NT5DC1: variants seen among roughly 807,000 people sequenced by gnomAD.
The protein encoded by NT5DC1 is 5'-nucleotidase domain containing 1, also known as 5'-nucleotidase domain-containing protein 1.
In NT5DC1, 42 loss-of-function variants were observed where a neutral mutation model predicts 59.4. The observed-to-expected ratio is 0.71, with a 90% confidence interval of 0.55 to 0.92. NT5DC1 has a LOEUF of 0.92. Ranked by LOEUF, NT5DC1 falls within the 40% of genes least tolerant of loss-of-function variation. The pLI, the probability that NT5DC1 is intolerant of heterozygous loss-of-function variation, is 0.00. For missense variants in NT5DC1, 501 were observed against 537.1 expected (o/e 0.93, Z 0.66); for synonymous variants, 172 against 188.1 (o/e 0.91, Z 0.70).
chr6:116,143,017 G>A (rs1779803601), intron 6 of NT5DC1, among the ~76,000 whole-genome samples: 1 of 152,152 alleles, frequency 6.6e-6, no homozygotes, highest in Non-Finnish European at 1.5e-5. Flanking sequence ...GTCTTATTTG[G>A]AAGAAGACTA....
chr6:116,141,060 A>T (rs957356698), intron 6 of NT5DC1, among the ~76,000 whole-genome samples: 3 of 152,166 alleles, frequency 2.0e-5, no homozygotes, highest in Admixed American at 2.0e-4. Context: ...TGTTTTTACC[A>T]GCAGGGTATA....
intron 6 of NT5DC1, among the ~76,000 whole-genome samples, chr6:116,172,479 G>A (rs1292382798): frequency 4.0e-5 from 6 of 151,714 alleles, no homozygotes; most frequent in African/African-American, 1.2e-4. Context: ...ACGCCACCAC[G>A]CCCAGCCAAT....
At chr6:116,171,647 C>T (rs1266106152) in intron 6 of NT5DC1, among the ~76,000 whole-genome samples, 1 of 152,164 alleles carries the variant, frequency 6.6e-6, no homozygotes, top group Non-Finnish European at 1.5e-5. Context: ...GCTGAATTCT[C>T]TCTTTGGTAT....
chr6:116,136,609 A>G (rs1779610452), intron 6 of NT5DC1, among the ~76,000 whole-genome samples: 1 of 152,174 alleles, frequency 6.6e-6, no homozygotes, highest in Non-Finnish European at 1.5e-5. Flanking sequence ...TGCTGTTATT[A>G]TTTGAGTCAA....
chr6:116,173,478 C>G (rs1257753676), intron 6 of NT5DC1, among the ~76,000 whole-genome samples: 1 of 152,092 alleles, frequency 6.6e-6, no homozygotes. Context: ...GGCAGCCTGT[C>G]AGTCCCTTTA....
At chr6:116,179,835 A>G (rs895670088) in intron 6 of NT5DC1, among the ~76,000 whole-genome samples, 6 of 152,102 alleles carry the variant, frequency 3.9e-5, no homozygotes, top group Non-Finnish European at 8.8e-5. Context: ...AGGCACAAGA[A>G]TATACATAAT....
chr6:116,228,801 C>G lies in NT5DC1; in HGVS notation c.802+5670C>G, dbSNP rs534373941. ...ATTCTGATTCTGATTCGTCAGCTAC[C>G]TCTAACTGCTTTACCTCCATTTCTG... On this transcript the variant is annotated intron_variant, in intron 8 of 11. Transcript: ENST00000319550. Among the ~76,000 whole-genome samples, 12 of 152,224 alleles carry G rather than the reference C, an allele frequency of 7.9e-5. No homozygotes were observed. The East Asian group carries it at 2.1e-3, about 27-fold the overall frequency.
intron 6 of NT5DC1, chr6:116,120,754 A>G: frequency 3.1e-6 from 5 of 1,607,592 alleles, no homozygotes; most frequent in Non-Finnish European, 3.4e-6. Flanking sequence ...CTGGTGGCCC[A>G]ATAGGGCCTC....
rs1047618863 is a variant in NT5DC1, at chr6:116,121,061, G to A, written c.529+3116G>A. On this transcript the variant is annotated intron_variant, in intron 6 of 11. Transcript: ENST00000319550. The stretch of plus-strand genomic sequence containing the variant: ...AGGGCCTGGGAGACCATGGCTACCC[G>A]GGATGCCTTTTGGTCCTTGGGGTCC... 6.8e-6 allele frequency: 11 copies of A among 1,613,934 alleles called. No homozygotes were observed. The highest frequency in any genetic ancestry group is 4.5e-5 in the East Asian group (2 of 44,880).
At position 116,204,112 on chromosome 6, in the gene NT5DC1, A is replaced by G. The variant is rs1781398516; in HGVS notation, c.530-16942A>G. The stretch of plus-strand genomic sequence containing the variant: ...TGGTCCTGCAGTGAAACACCTGGGT[A>G]AGGGAGAGGACGATGCACTGCTGTG... On this transcript the variant is annotated intron_variant, in intron 6 of 11. Transcript: ENST00000319550. Among the ~76,000 whole-genome samples, 3 of 151,846 alleles carry G rather than the reference A, an allele frequency of 2.0e-5. 1 individual carries two copies. Among genetic ancestry groups the G allele is most frequent in the East Asian group, 3.9e-4 (2 of 5,140 alleles).
At chr6:116,218,556 A>G (rs1781732098) in intron 6 of NT5DC1, among the ~76,000 whole-genome samples, 1 of 152,148 alleles carries the variant, frequency 6.6e-6, no homozygotes, top group Admixed American at 6.5e-5. Context: ...ATTCTTAGCC[A>G]TTTAGATTTA....
At chr6:116,219,960 T>G (rs1781762201) in intron 6 of NT5DC1, among the ~76,000 whole-genome samples, 1 of 52,910 alleles carries the variant, frequency 1.9e-5, no homozygotes, top group African/African-American at 9.8e-5. Context: ...AGACTCTGTC[T>G]CAAAAAAAAA....
intron 6 of NT5DC1, among the ~76,000 whole-genome samples, chr6:116,175,769 G>C (rs1261613731): frequency 6.6e-6 from 1 of 152,028 alleles, no homozygotes; most frequent in African/African-American, 2.4e-5. Context: ...TATTTCCATA[G>C]TTTTAATTGA....
At chr6:116,203,576 T>C (rs1218601355) in intron 6 of NT5DC1, among the ~76,000 whole-genome samples, 1 of 147,658 alleles carries the variant, frequency 6.8e-6, no homozygotes, top group Non-Finnish European at 1.5e-5. Flanking sequence ...CTGTACAATA[T>C]GCCATTATAT....
Position 116,127,198 on chromosome 6 carries a change from A to G in NT5DC1, c.529+9253A>G, listed in dbSNP as rs1275990449. 2.6e-5 allele frequency among the ~76,000 whole-genome samples: 4 copies of G among 152,190 alleles called. No homozygotes were observed. In the East Asian group the frequency reaches 7.7e-4, roughly 29 times the overall value. Reference sequence around the variant, plus strand: ...TAGTATGGATTCAGGACTAATCAATAATTGAAATAATTGAAAGTTTGACCA... The same window carrying G: ...TAGTATGGATTCAGGACTAATCAATGATTGAAATAATTGAAAGTTTGACCA... On this transcript the variant is annotated intron_variant, in intron 6 of 11. Transcript: ENST00000319550.
At chr6:116,110,245 T>G (rs1274038150) in intron 3 of NT5DC1, among the ~76,000 whole-genome samples, 4 of 152,224 alleles carry the variant, frequency 2.6e-5, no homozygotes, top group African/African-American at 9.6e-5. Context: ...AAAAGCAGTA[T>G]TTCGAGCACA....
chr6:116,102,002 A>T (rs1192003181), intron 1 of NT5DC1, among the ~76,000 whole-genome samples: 1 of 152,202 alleles, frequency 6.6e-6, no homozygotes, highest in Non-Finnish European at 1.5e-5. Context: ...CAGTTTCCCC[A>T]TCTGTAAAAT....
chr6:116,184,324 C>T (rs527618314), intron 6 of NT5DC1, among the ~76,000 whole-genome samples: 75 of 152,084 alleles, frequency 4.9e-4, no homozygotes, highest in African/African-American at 1.7e-3. Flanking sequence ...GAGGATTTTG[C>T]ATTTATGTTC....
In NT5DC1 at chr6:116,162,327, G is replaced by T. The variant is rs577303666; in HGVS notation, c.529+44382G>T. 2.6e-5 allele frequency among the ~76,000 whole-genome samples: 4 copies of T among 152,244 alleles called. No individual in the cohort carries two copies. In the East Asian group the frequency reaches 7.7e-4, roughly 29 times the overall value. ...TCCATTACTATGTTGAATAGGAGTG[G>T]TGAAAGTGCACATCCTTGTCTTGGT... On this transcript the variant is annotated intron_variant, in intron 6 of 11. Coordinates refer to ENST00000319550, the MANE Select transcript of NT5DC1 (RefSeq NM_152729.3).
Sources: allele counts gnomAD v4.1 joint callset (sites outside exome capture counted in the v4.1 genomes callset), GRCh38; gene constraint gnomAD v4.1.1; transcripts MANE v1.5; gene names NCBI Gene and HGNC (gene_info 2026-07-23, HGNC 2026-07-21).